The following DRICH1 variants were observed in gnomAD, a reference collection of about 807,000 sequenced individuals.
The protein encoded by DRICH1 is aspartate rich 1.
A neutral mutation model predicts 39.5 loss-of-function variants in DRICH1; 38 were observed. The ratio of observed to expected loss-of-function variants is 0.96; its 90% confidence interval spans 0.74 to 1.26. The LOEUF (loss-of-function observed/expected upper bound fraction) is 1.26, where lower values mean the gene tolerates loss of function less well. DRICH1 is among the 50% of genes most tolerant of loss of function. The pLI is 0.00. For missense variants in DRICH1, 279 were observed against 270.4 expected, an observed-to-expected ratio of 1.03 and a Z score of -0.22; for synonymous variants, 84 against 99.5, an observed-to-expected ratio of 0.84 and a Z score of 0.93.
At chr22:23,630,221 C>T (rs1261078443) in intron 1 of DRICH1, among the ~76,000 whole-genome samples, 1 of 152,180 alleles carries the variant, frequency 6.6e-6, no homozygotes, top group African/African-American at 2.4e-5. Flanking sequence ...ATGTTTGGCA[C>T]ACTTATAGGC....
the DRICH1 span, among the ~76,000 whole-genome samples, chr22:23,581,985 C>T: frequency 6.6e-6 from 1 of 151,748 alleles, no homozygotes; most frequent in African/African-American, 2.4e-5. Context: ...CCATCCATTT[C>T]TAGATTTTTC....
chr22:23,580,919 C>G, the DRICH1 span: 1 of 152,348 alleles, frequency 6.6e-6, no homozygotes, highest in Non-Finnish European at 1.5e-5. Context: ...TGTTCAGCAC[C>G]TCACTGACCT....
chr22:23,597,502 CA>C, the DRICH1 span, among the ~76,000 whole-genome samples: 573 of 106,384 alleles, frequency 5.4e-3, 4 homozygotes, highest in African/African-American at 0.013. Context: ...GACCCTGTCT[CA>C]AAAAAAAAAA....
At chr22:23,592,833 A>AGTAC in the DRICH1 span, among the ~76,000 whole-genome samples, 118 of 107,784 alleles carry the variant, frequency 1.1e-3, no homozygotes, top group African/African-American at 3.5e-3. Context: ...CTCTATTAAA[A>AGTAC]ATACACACAC....
At chr22:23,613,116 T>A (rs1022884155) in intron 11 of DRICH1, among the ~76,000 whole-genome samples, 173 bp downstream of exon 11, 1 of 152,192 alleles carries the variant, frequency 6.6e-6, no homozygotes, top group East Asian at 1.9e-4. Flanking sequence ...GAGACAGTTC[T>A]TACCATGATG....
chr22:23,624,222 G>A (rs778271951), intron 3 of DRICH1: 41 of 985,288 alleles, frequency 4.2e-5, no homozygotes, highest in Non-Finnish European at 4.7e-5. Flanking sequence ...TCTGTCTCCA[G>A]GAGTGAGTAA....
intron 1 of DRICH1, among the ~76,000 whole-genome samples, chr22:23,628,066 T>C (rs1296725953): frequency 1.3e-5 from 2 of 152,186 alleles, no homozygotes; most frequent in Non-Finnish European, 2.9e-5. Flanking sequence ...AGTTTGACAC[T>C]GAAGATTCCA....
At chr22:23,620,449 C>G in intron 5 of DRICH1, 145 bp downstream of exon 5, 1 of 932,722 alleles carries the variant, frequency 1.1e-6, no homozygotes, top group Non-Finnish European at 1.7e-6. Flanking sequence ...ATTTCTACAG[C>G]CCCTCTGCTC....
chr22:23,599,232 T>A, the DRICH1 span, among the ~76,000 whole-genome samples: 3 of 152,206 alleles, frequency 2.0e-5, no homozygotes, highest in Non-Finnish European at 2.9e-5. Flanking sequence ...CCTGCCCCTC[T>A]GCAGGGCTCT....
intron 11 of DRICH1, among the ~76,000 whole-genome samples, chr22:23,611,009 C>A (rs529419956): frequency 2.0e-5 from 3 of 152,102 alleles, no homozygotes; most frequent in South Asian, 4.2e-4. Flanking sequence ...CTCATATAAC[C>A]TGTCAGTAAC....
At chr22:23,601,161 C>CAT in the DRICH1 span, among the ~76,000 whole-genome samples, 1,464 of 152,104 alleles carry the variant, frequency 9.6e-3, 19 homozygotes, top group South Asian at 0.044. Flanking sequence ...CACACACACA[C>CAT]ACACACACAC....
the DRICH1 span, among the ~76,000 whole-genome samples, chr22:23,581,868 T>A: frequency 1.3e-5 from 2 of 152,014 alleles, no homozygotes; most frequent in African/African-American, 4.8e-5. Context: ...CCTCCCAAAG[T>A]GCTGGGATCA....
the DRICH1 span, among the ~76,000 whole-genome samples, chr22:23,582,642 T>C: frequency 6.6e-6 from 1 of 151,832 alleles, no homozygotes; most frequent in South Asian, 2.1e-4. Context: ...CTCGGCTCAC[T>C]GTGGCCTCTG....
chr22:23,605,472 G>T (rs1926676097), downstream of DRICH1, among the ~76,000 whole-genome samples: 1 of 152,158 alleles, frequency 6.6e-6, no homozygotes, highest in Non-Finnish European at 1.5e-5. Flanking sequence ...CGGGGAGGTG[G>T]CCCCTGCCCA....
chr22:23,584,259 T>A, the DRICH1 span, among the ~76,000 whole-genome samples: 1 of 152,218 alleles, frequency 6.6e-6, no homozygotes, highest in African/African-American at 2.4e-5. Flanking sequence ...GGGTCCCTGG[T>A]GCCTCTGCAG....
At chr22:23,592,574 C>T in the DRICH1 span, among the ~76,000 whole-genome samples, 328 of 152,222 alleles carry the variant, frequency 2.2e-3, no homozygotes, top group African/African-American at 7.5e-3. Flanking sequence ...TCCACAGCCT[C>T]TTCAGGGGCA....
At chr22:23,614,868 T>G (rs1927260520) in intron 8 of DRICH1, among the ~76,000 whole-genome samples, 2 of 152,174 alleles carry the variant, frequency 1.3e-5, no homozygotes, top group Non-Finnish European at 2.9e-5. Context: ...CAGGCTTCAT[T>G]CAAACAGGCC....
chr22:23,611,175 C>A (rs73389026), intron 11 of DRICH1, among the ~76,000 whole-genome samples: 2 of 152,146 alleles, frequency 1.3e-5, no homozygotes, highest in Admixed American at 6.5e-5. Flanking sequence ...CCAGTACAGG[C>A]GGTGTAGCAC....
the DRICH1 span, among the ~76,000 whole-genome samples, chr22:23,589,952 T>G: frequency 6.6e-6 from 1 of 152,196 alleles, no homozygotes; most frequent in Non-Finnish European, 1.5e-5. Flanking sequence ...CATCCCTCTG[T>G]GTAGCAGTGC....
Sources: gnomAD v4.1 joint callset for allele counts (sites outside exome capture counted in the v4.1 genomes callset) on GRCh38, gnomAD v4.1.1 for gene constraint, MANE v1.5 for transcripts, NCBI Gene and HGNC (gene_info 2026-07-23, HGNC 2026-07-21) for gene names.